Variants in ITPR2 observed in about 807,000 individuals in gnomAD.
The protein encoded by ITPR2 is inositol 1,4,5-trisphosphate-gated calcium channel ITPR2.
Under a neutral mutation model 317.1 loss-of-function variants are expected in ITPR2, and 207 were observed. The observed-to-expected ratio is 0.65, with a 90% CI of 0.58 to 0.73. The LOEUF (loss-of-function observed/expected upper bound fraction) is 0.73. Ranked by LOEUF, ITPR2 falls within the 30% of genes least tolerant of loss-of-function variation. The pLI is 0.00. For synonymous variants in ITPR2, 1,156 were observed against 1,149.1 expected (o/e 1.01, Z -0.12); for missense variants, 2,613 against 3,284.0 (o/e 0.80, Z 4.99).
At chr12:26,650,922 T>G (rs1012553951) in intron 21 of ITPR2, among the ~76,000 whole-genome samples, 3 of 152,224 alleles carry the variant, frequency 2.0e-5, no homozygotes, top group African/African-American at 4.8e-5. Flanking sequence ...CTCATAGATT[T>G]ATTTTTATAA....
intron 9 of ITPR2, among the ~76,000 whole-genome samples, chr12:26,696,484 T>C (rs1163719373): frequency 6.6e-6 from 1 of 152,148 alleles, no homozygotes; most frequent in Non-Finnish European, 1.5e-5. Flanking sequence ...ATAATACCAC[T>C]TATCTAGCAG....
chr12:26,415,451 T>G lies in ITPR2; in HGVS notation c.7158A>C (p.Lys2386Asn). Residue 2386 changes from lysine (K) to asparagine (N), a missense_variant, in exon 51 of 57, where the codon AAA (lysine) becomes AAC (asparagine). Transcript: ENST00000381340. ...TAGAGCGGCCATTTCGTGTGACACT[T>G]TTTATGACATTCAGCAAAGTCTCTT... ...YREETLLNVI[K>N]SVTRNGRSII... The G allele has an allele frequency of 6.2e-7, 1 of 1,610,382 alleles. No individual in the cohort carries two copies. Among genetic ancestry groups the G allele is most frequent in the Non-Finnish European group, 8.5e-7 (1 of 1,177,972 alleles).
intron 37 of ITPR2, among the ~76,000 whole-genome samples, chr12:26,514,606 A>C (rs1024961481): frequency 6.6e-6 from 1 of 152,346 alleles, no homozygotes; most frequent in African/African-American, 2.4e-5. Flanking sequence ...CTATCATTTG[A>C]AAACTGTCAG....
intron 2 of ITPR2, among the ~76,000 whole-genome samples, chr12:26,743,135 T>C (rs554604451): frequency 9.8e-5 from 15 of 152,348 alleles, no homozygotes; most frequent in African/African-American, 3.1e-4. Flanking sequence ...AGATGAATTT[T>C]ATGATGTATA....
intron 45 of ITPR2, among the ~76,000 whole-genome samples, chr12:26,471,134 TCTAATA>T (rs933526350): frequency 1.6e-4 from 24 of 152,220 alleles, no homozygotes; most frequent in African/African-American, 5.8e-4. Context: ...CAGCTTGCTA[TCTAATA>T]CTTCTCCCCA....
At chr12:26,564,200 A>G (rs1944889821) in intron 34 of ITPR2, among the ~76,000 whole-genome samples, 1 of 152,252 alleles carries the variant, frequency 6.6e-6, no homozygotes, top group Non-Finnish European at 1.5e-5. Flanking sequence ...ATAAAAGATC[A>G]AAAAGCAGAA....
intron 21 of ITPR2, among the ~76,000 whole-genome samples, chr12:26,640,881 C>T (rs970099998): frequency 6.6e-5 from 10 of 151,984 alleles, no homozygotes; most frequent in Non-Finnish European, 1.0e-4. Context: ...AGAAAGGTGT[C>T]GAAGGAGATA....
At chr12:26,555,373 T>C (rs1158700021) in intron 36 of ITPR2, among the ~76,000 whole-genome samples, 3 of 152,168 alleles carry the variant, frequency 2.0e-5, no homozygotes, top group African/African-American at 7.2e-5. Context: ...CAAGCTCATC[T>C]CACTGACTCT....
chr12:26,351,176 C>T (rs1205853525), intron 55 of ITPR2, among the ~76,000 whole-genome samples: 1 of 152,166 alleles, frequency 6.6e-6, no homozygotes, highest in Non-Finnish European at 1.5e-5. Flanking sequence ...GGCACTGGTC[C>T]CAATGCTGAC....
chr12:26,388,285 G>A (rs1430514686), intron 54 of ITPR2, among the ~76,000 whole-genome samples: 1 of 152,152 alleles, frequency 6.6e-6, no homozygotes, highest in African/African-American at 2.4e-5. Flanking sequence ...AATGAATAGA[G>A]ATGAAGAAAA....
chr12:26,786,384 C>T (rs1302844283), intron 2 of ITPR2, among the ~76,000 whole-genome samples: 10 of 134,542 alleles, frequency 7.4e-5, no homozygotes, highest in African/African-American at 2.7e-4. Flanking sequence ...TGCTGACCTT[C>T]CCTCCACTAT....
intron 45 of ITPR2, among the ~76,000 whole-genome samples, chr12:26,474,773 G>A (rs3928209): frequency 3.4e-5 from 4 of 116,708 alleles, no homozygotes; most frequent in Middle Eastern, 6.4e-3. Flanking sequence ...CAGCCTGGGC[G>A]ACAGAGCGAG....
intron 35 of ITPR2, among the ~76,000 whole-genome samples, chr12:26,556,791 A>AC (rs367688811): frequency 1.1e-5 from 1 of 94,704 alleles, no homozygotes; most frequent in Non-Finnish European, 2.3e-5. Flanking sequence ...AAAAAAAAAA[A>AC]ATTCCAGCCA....
chr12:26,413,232 T>G (rs142894877), intron 51 of ITPR2, among the ~76,000 whole-genome samples: 9 of 152,370 alleles, frequency 5.9e-5, no homozygotes, highest in Non-Finnish European at 1.0e-4. Flanking sequence ...AGGCAGGATC[T>G]GCGTTTGCAA....
At position 26,529,363 on chromosome 12, in the gene ITPR2, T is replaced by C. The variant is rs564737364; in HGVS notation, c.5073+20884A>G. On this transcript the variant is annotated intron_variant, in intron 37 of 56. Transcript: ENST00000381340. Reference sequence around the variant, plus strand: ...GCCCTTTCTAGCCACACTGGCTTCCTTGATGGTTCTCAAACCAGGAATCCA... The same window carrying C: ...GCCCTTTCTAGCCACACTGGCTTCCCTGATGGTTCTCAAACCAGGAATCCA... Among the ~76,000 whole-genome samples the C allele has an allele frequency of 7.9e-5, 12 of 152,336 alleles. No homozygotes were observed. The East Asian group carries it at 2.3e-3, about 29-fold the overall frequency.
intron 21 of ITPR2, among the ~76,000 whole-genome samples, chr12:26,645,436 G>A (rs1947092499): frequency 6.6e-6 from 1 of 152,086 alleles, no homozygotes; most frequent in South Asian, 2.1e-4. Context: ...GAAGGTGTAG[G>A]GAGAAAGGAA....
chr12:26,465,129 T>C (rs771033223), intron 45 of ITPR2, among the ~76,000 whole-genome samples: 4 of 152,076 alleles, frequency 2.6e-5, no homozygotes, highest in African/African-American at 4.8e-5. Flanking sequence ...CAGAGATCCA[T>C]GGAATGGTTC....
At chr12:26,558,498 T>C (rs1434084531) in intron 35 of ITPR2, among the ~76,000 whole-genome samples, 3 of 152,240 alleles carry the variant, frequency 2.0e-5, no homozygotes, top group African/African-American at 4.8e-5. Flanking sequence ...TTAGCTGTGA[T>C]CATCACCCAA....
chr12:26,678,931 G>A (rs1947971111), intron 13 of ITPR2, among the ~76,000 whole-genome samples: 1 of 152,174 alleles, frequency 6.6e-6, no homozygotes, highest in Non-Finnish European at 1.5e-5. Context: ...TTTTCTTCAA[G>A]GAATATCTTA....
Sources: allele counts gnomAD v4.1 joint callset (sites outside exome capture counted in the v4.1 genomes callset), GRCh38; gene constraint gnomAD v4.1.1; transcripts MANE v1.5; gene names NCBI Gene and HGNC (gene_info 2026-07-23, HGNC 2026-07-21).